Variants in NCKAP5 observed in about 807,000 individuals in gnomAD.
The protein encoded by NCKAP5 is NCK associated protein 5, also known as nck-associated protein 5.
Under a neutral mutation model 167.0 loss-of-function variants are expected in NCKAP5, and 92 were observed. The ratio of observed to expected loss-of-function variants is 0.55; its 90% CI spans 0.47 to 0.66. The LOEUF (loss-of-function observed/expected upper bound fraction) is 0.66, where lower values mean the gene tolerates loss of function less well. Among genes scored for constraint, NCKAP5 ranks in the 30% least tolerant of loss-of-function variants. The pLI, the probability that NCKAP5 is intolerant of heterozygous loss-of-function variation, is 0.00. For missense variants in NCKAP5, 2,378 were observed against 2,315.0 expected, an observed-to-expected ratio of 1.03 and a Z score of -0.56; for synonymous variants, 891 against 877.4, an observed-to-expected ratio of 1.02 and a Z score of -0.27.
intron 6 of NCKAP5, among the ~76,000 whole-genome samples, chr2:133,114,296 T>A (rs1386383157): frequency 6.6e-6 from 1 of 152,222 alleles, no homozygotes; most frequent in Non-Finnish European, 1.5e-5. Context: ...TACAAACATC[T>A]GCAAAAGTAA....
At chr2:133,517,953 C>T (rs537607225) in intron 2 of NCKAP5, among the ~76,000 whole-genome samples, 32 of 152,262 alleles carry the variant, frequency 2.1e-4, no homozygotes, top group African/African-American at 7.7e-4. Flanking sequence ...CTGCAAATTC[C>T]ATGAGATCAA....
At chr2:133,599,305 C>T in the NCKAP5 span, among the ~76,000 whole-genome samples, 4 of 152,166 alleles carry the variant, frequency 2.6e-5, no homozygotes, top group Non-Finnish European at 5.9e-5. Flanking sequence ...TTGTGAGGTC[C>T]TTGCAGGACC....
chr2:133,573,641 T>C, the NCKAP5 span, among the ~76,000 whole-genome samples: 3 of 152,190 alleles, frequency 2.0e-5, no homozygotes, highest in Non-Finnish European at 4.4e-5. Flanking sequence ...TATGTAAGGA[T>C]AAAGTATCAT....
intron 19 of NCKAP5, among the ~76,000 whole-genome samples, chr2:132,687,446 G>A (rs1269271837): frequency 6.6e-6 from 1 of 152,132 alleles, no homozygotes; most frequent in Non-Finnish European, 1.5e-5. Context: ...TTAAATGTGA[G>A]TGGGCTGGTG....
intron 16 of NCKAP5, among the ~76,000 whole-genome samples, chr2:132,768,793 C>A (rs1402152611): frequency 6.6e-6 from 1 of 151,608 alleles, no homozygotes; most frequent in Non-Finnish European, 1.5e-5. Context: ...GCGCCCGCCA[C>A]CACGCCCGGC....
chr2:133,199,064 T>C (rs776344666), intron 5 of NCKAP5, among the ~76,000 whole-genome samples: 1 of 151,972 alleles, frequency 6.6e-6, no homozygotes, highest in African/African-American at 2.4e-5. Flanking sequence ...TTTAAAAAAA[T>C]ACAACTTAAC....
At position 132,673,215 on chromosome 2, in the gene NCKAP5, T is replaced by C. The variant is rs948424670; in HGVS notation, c.*74A>G. The C allele has an allele frequency of 3.8e-5, 55 of 1,459,452 alleles. No homozygotes were observed. Among genetic ancestry groups the C allele is most frequent in the Non-Finnish European group, 4.8e-5 (53 of 1,108,772 alleles). 90.4% of individuals were successfully genotyped at this position (1,459,452 alleles called of 1,614,324 possible). A position where few individuals can be genotyped will look rare whatever the true frequency, so the allele number is the denominator to read the frequency against. ...TTCTCTTTTTCTAATAAAATCACAG[T>C]ATTGCTGTTAAATTTATTGAATGAC... On this transcript the variant is annotated 3_prime_UTR_variant, in exon 20 of 20. Transcript: ENST00000409261.
At chr2:133,457,497 C>T (rs1691935840) in intron 3 of NCKAP5, among the ~76,000 whole-genome samples, 1 of 152,004 alleles carries the variant, frequency 6.6e-6, no homozygotes, top group Non-Finnish European at 1.5e-5. Flanking sequence ...AAATAGGATG[C>T]TTTTAAAAGA....
At chr2:133,558,704 C>CAAATAAAAAAAAAAA (rs1687930268) in intron 2 of NCKAP5, among the ~76,000 whole-genome samples, 1 of 50,872 alleles carries the variant, frequency 2.0e-5, no homozygotes. Flanking sequence ...ATGTGCTGAG[C>CAAATAAAAAAAAAAA]AAAAAAAAAA....
intron 5 of NCKAP5, among the ~76,000 whole-genome samples, chr2:133,203,456 G>C (rs2085796751): frequency 6.6e-6 from 1 of 152,004 alleles, no homozygotes; most frequent in South Asian, 2.1e-4. Flanking sequence ...AAGTTAATAG[G>C]TGCAGCACAC....
intron 19 of NCKAP5, among the ~76,000 whole-genome samples, chr2:132,687,756 C>CACACACACACACACA (rs1558922334): frequency 1.4e-5 from 2 of 139,504 alleles, no homozygotes; most frequent in African/African-American, 3.3e-5. Context: ...CACACACACA[C>CACACACACACACACA]CCTTCCTCTG....
intron 2 of NCKAP5, among the ~76,000 whole-genome samples, chr2:133,557,868 T>G: frequency 6.6e-6 from 1 of 152,206 alleles, no homozygotes; most frequent in Middle Eastern, 3.2e-3. Flanking sequence ...AGCCCAGCCC[T>G]GAGCCCACTG....
chr2:133,543,856 G>T (rs1686431645), intron 2 of NCKAP5, among the ~76,000 whole-genome samples: 2 of 152,164 alleles, frequency 1.3e-5, no homozygotes, highest in Non-Finnish European at 2.9e-5. Context: ...TTACAGTGTG[G>T]ACTCACAAGC....
intron 6 of NCKAP5, among the ~76,000 whole-genome samples, chr2:133,031,660 C>A (rs35175935): frequency 0.038 from 5,718 of 152,150 alleles, 315 homozygotes; most frequent in African/African-American, 0.13. Context: ...TGGCATCACC[C>A]CTCCCCTACC....
chr2:132,685,765 A>G (rs113174395), intron 19 of NCKAP5, among the ~76,000 whole-genome samples: 1 of 152,156 alleles, frequency 6.6e-6, no homozygotes, highest in South Asian at 2.1e-4. Flanking sequence ...AGAGAGCTGC[A>G]GTAGAAATTG....
At chr2:133,177,783 C>T (rs1203409457) in intron 5 of NCKAP5, among the ~76,000 whole-genome samples, 1 of 152,154 alleles carries the variant, frequency 6.6e-6, no homozygotes. Flanking sequence ...GCTCCCCATC[C>T]CCACAATGTA....
At chr2:133,058,729 T>C (rs528462107) in intron 6 of NCKAP5, among the ~76,000 whole-genome samples, 1 of 152,194 alleles carries the variant, frequency 6.6e-6, no homozygotes, top group Non-Finnish European at 1.5e-5. Flanking sequence ...TTAGAAATAT[T>C]ACATAAACTT....
At chr2:133,476,386 G>A (rs1679890292) in intron 3 of NCKAP5, among the ~76,000 whole-genome samples, 2 of 152,116 alleles carry the variant, frequency 1.3e-5, no homozygotes, top group South Asian at 4.1e-4. Context: ...AACCTGTAAG[G>A]GTTTTCATTA....
intron 6 of NCKAP5, among the ~76,000 whole-genome samples, chr2:133,081,920 C>T (rs2080822810): frequency 6.6e-6 from 1 of 152,100 alleles, no homozygotes; most frequent in Non-Finnish European, 1.5e-5. Flanking sequence ...GGTACATGTG[C>T]AGGTATTTTA....
Sources: gnomAD v4.1 joint callset for allele counts (sites outside exome capture counted in the v4.1 genomes callset) on GRCh38, gnomAD v4.1.1 for gene constraint, MANE v1.5 for transcripts, NCBI Gene and HGNC (gene_info 2026-07-23, HGNC 2026-07-21) for gene names.